Variants in CERT1 observed in about 807,000 individuals in gnomAD.
The protein encoded by CERT1 is ceramide transfer protein.
A neutral mutation model predicts 87.9 loss-of-function variants in CERT1; 31 were observed. That is an observed-to-expected ratio of 0.35 (90% CI 0.27 to 0.48). CERT1 has a LOEUF of 0.48. CERT1 is among the 20% of genes least tolerant of loss of function. The pLI, the probability that CERT1 is intolerant of heterozygous loss-of-function variation, is 0.99. For missense variants in CERT1, 487 were observed against 758.0 expected (o/e 0.64, Z 4.20); for synonymous variants, 289 against 250.9 (o/e 1.15, Z -1.44).
chr5:75,375,935 A>G (rs1411101980), downstream of CERT1: 1 of 152,108 alleles, frequency 6.6e-6, no homozygotes, highest in Non-Finnish European at 1.5e-5. Context: ...AAGAAGCTCA[A>G]TCTGGACTCA....
chr5:75,436,324 C>T (rs1178223120), intron 3 of CERT1, among the ~76,000 whole-genome samples: 2 of 152,160 alleles, frequency 1.3e-5, no homozygotes, highest in East Asian at 1.9e-4. Flanking sequence ...TGAGCCACTG[C>T]ACTCGGCCAC....
At chr5:75,462,288 A>G (rs1434861576) in intron 2 of CERT1, among the ~76,000 whole-genome samples, 1 of 152,254 alleles carries the variant, frequency 6.6e-6, no homozygotes, top group African/African-American at 2.4e-5. Flanking sequence ...GTTTCATGGA[A>G]GACAGTTTTT....
rs1761395147 is a variant in CERT1 at position 75,378,045 on chromosome 5, T to C, written c.*1301A>G. ...TCTCCCACCTCAGTCTCCCAAAAAG[T>C]GTTGGGATTACAGGTGTGACCCACT... On this transcript the variant is annotated 3_prime_UTR_variant, in exon 17 of 17. Transcript: ENST00000643780. 1 of 152,262 alleles carries C rather than the reference T, an allele frequency of 6.6e-6. No individual in the cohort carries two copies. The allele number at this position is 152,262 out of a possible 1,614,324, so 9.4% of individuals were successfully genotyped here. A position where few individuals can be genotyped will look rare whatever the true frequency, so the allele number is the denominator to read the frequency against.
chr5:75,469,022 G>A (rs2112346825), intron 2 of CERT1, among the ~76,000 whole-genome samples: 1 of 152,188 alleles, frequency 6.6e-6, no homozygotes, highest in East Asian at 1.9e-4. Context: ...GCTATTTTAA[G>A]GAAGCTCAAT....
Position 75,426,473 on chromosome 5 carries a change from T to C in CERT1, c.354A>G (p.Glu118=). Residue 118 remains glutamate (E), a synonymous_variant, in exon 4 of 17, where the codon GAA becomes GAG. Coordinates refer to ENST00000643780, the MANE Select transcript of CERT1 (RefSeq NM_001379029.1). ...WIDAIEQHKT[E]SGYGSESSLR... ...AGCTGGATTCAGATCCATATCCAGA[T>C]TCAGTCTAAAAAAAAAAGTAAACTA... The C allele has an allele frequency of 1.4e-5, 23 of 1,608,072 alleles. No individual in the cohort carries two copies. Among genetic ancestry groups the C allele is most frequent in the Non-Finnish European group, 2.0e-5 (23 of 1,176,306 alleles).
chr5:75,368,786 C>T (rs1760980891), intron 17 of CERT1: 1 of 152,156 alleles, frequency 6.6e-6, no homozygotes, highest in African/African-American at 2.4e-5. Context: ...TATGATGGGG[C>T]TACATACTGA....
intron 1 of CERT1, among the ~76,000 whole-genome samples, chr5:75,509,469 A>G (rs968611891): frequency 1.3e-5 from 2 of 152,168 alleles, no homozygotes; most frequent in African/African-American, 4.8e-5. Context: ...TTCATTCTAC[A>G]TATGCAGCAA....
intron 5 of CERT1, among the ~76,000 whole-genome samples, chr5:75,425,063 A>C (rs1230906595): frequency 1.3e-5 from 2 of 152,166 alleles, no homozygotes; most frequent in Non-Finnish European, 2.9e-5. Context: ...GGCTGCAGTG[A>C]GCTATGATCG....
chr5:75,413,812 T>C lies in CERT1; in HGVS notation c.838-2709A>G, dbSNP rs4704216. On this transcript the variant is annotated intron_variant, in intron 7 of 16. Transcript: ENST00000643780. ...TAAAAATAATTGGAATCCTCACCCATTGCTGGTAGAAATAATCACTTTGGA... is the reference window on the plus strand; with the variant it reads ...TAAAAATAATTGGAATCCTCACCCACTGCTGGTAGAAATAATCACTTTGGA... Among the ~76,000 whole-genome samples, 702 of 152,244 alleles carry C rather than the reference T, an allele frequency of 4.6e-3. 18 individuals are homozygous for C. Among genetic ancestry groups the C allele is most frequent in the Admixed American group, 0.036 (545 of 15,286 alleles).
intron 2 of CERT1, among the ~76,000 whole-genome samples, chr5:75,503,904 A>ATTAAACATTTAAATTTTT (rs1324645059): frequency 9.4e-3 from 274 of 29,106 alleles, no homozygotes; most frequent in East Asian, 0.011. Context: ...TTTAAATTAA[A>ATTAAACATTTAAATTTTT]TGTTTAATTT....
At chr5:75,470,618 A>G (rs537160643) in intron 2 of CERT1, among the ~76,000 whole-genome samples, 7 of 152,184 alleles carry the variant, frequency 4.6e-5, no homozygotes, top group African/African-American at 7.2e-5. Context: ...ATGTACCTCA[A>G]CACACTAAAG....
chr5:75,465,034 C>A (rs1006321373), intron 2 of CERT1, among the ~76,000 whole-genome samples: 5 of 152,160 alleles, frequency 3.3e-5, no homozygotes, highest in Non-Finnish European at 5.9e-5. Context: ...TCTGCCATGA[C>A]GGACATGGTT....
chr5:75,511,364 G>C lies in CERT1; in HGVS notation c.-157C>G, dbSNP rs1767984619. On this transcript the variant is annotated 5_prime_UTR_variant, in exon 1 of 17. Coordinates refer to ENST00000643780, the MANE Select transcript of CERT1 (RefSeq NM_001379029.1). ...GGAGGAGGGACGAAGTCCGCCCGCCGCGCCGCCGCCGCGCCTGACACCGAG... is the reference window on the plus strand; with the variant it reads ...GGAGGAGGGACGAAGTCCGCCCGCCCCGCCGCCGCCGCGCCTGACACCGAG... 6.5e-7 allele frequency: 1 copy of C among 1,546,352 alleles called. No homozygotes were observed. The highest frequency in any genetic ancestry group is 1.2e-5 in the South Asian group (1 of 83,928).
In CERT1 at chr5:75,403,076, G is replaced by A; in HGVS notation, c.931-18C>T. 6.5e-7 allele frequency: 1 copy of A among 1,536,358 alleles called. No homozygotes were observed. Among genetic ancestry groups the A allele is most frequent in the Non-Finnish European group, 8.9e-7 (1 of 1,117,890 alleles). ...GGGCCTTCCTATTCCAACACACAGT[G>A]GAGAAAAAAGCAGTTTATTTAAAGA... On this transcript the variant is annotated intron_variant, in intron 8 of 16. Coordinates refer to ENST00000643780, the MANE Select transcript of CERT1 (RefSeq NM_001379029.1).
Position 75,483,850 on chromosome 5 carries a change from G to GA in CERT1, c.231+22131dup, listed in dbSNP as rs930876567. Among the ~76,000 whole-genome samples the GA allele has an allele frequency of 1.9e-3, 264 of 141,834 alleles. 1 individual carries two copies. Among genetic ancestry groups the GA allele is most frequent in the African/African-American group, 4.6e-3 (179 of 38,982 alleles). The allele number at this position is 141,834 out of a possible 152,430, so 93.0% of individuals were successfully genotyped here. On this transcript the variant is annotated intron_variant, in intron 2 of 16. Coordinates refer to ENST00000643780, the MANE Select transcript of CERT1 (RefSeq NM_001379029.1). Reference sequence around the variant, plus strand: ...GCTAAAGGAAGTTCTTCAGTCTGGGGAAAAAAAAAAAGACATTAACGAGCA... The same window carrying GA: ...GCTAAAGGAAGTTCTTCAGTCTGGGGAAAAAAAAAAAAGACATTAACGAGCA...
intron 2 of CERT1, among the ~76,000 whole-genome samples, chr5:75,485,312 CAAAA>C (rs757349878): frequency 4.3e-5 from 2 of 46,438 alleles, no homozygotes; most frequent in Non-Finnish European, 7.5e-5. Context: ...CACAAAAATA[CAAAA>C]AAAAAAAAAA....
chr5:75,447,474 A>ATTTATTTATTTT (rs1201247557), intron 3 of CERT1, among the ~76,000 whole-genome samples: 4 of 148,920 alleles, frequency 2.7e-5, no homozygotes, highest in Non-Finnish European at 4.4e-5. Context: ...TTATTTATTT[A>ATTTATTTATTTT]TTTTTTATTT....
intron 2 of CERT1, among the ~76,000 whole-genome samples, chr5:75,475,598 T>A (rs1478544944): frequency 2.0e-5 from 3 of 152,166 alleles, no homozygotes; most frequent in Non-Finnish European, 2.9e-5. Context: ...ACATATCCTT[T>A]GAAAATTACA....
chr5:75,423,203 T>C (rs1457156073), intron 5 of CERT1, among the ~76,000 whole-genome samples: 1 of 152,232 alleles, frequency 6.6e-6, no homozygotes, highest in Admixed American at 6.5e-5. Flanking sequence ...TTTTCCACCA[T>C]CACTTTTGTC....
Sources: allele counts gnomAD v4.1 joint callset (sites outside exome capture counted in the v4.1 genomes callset), GRCh38; gene constraint gnomAD v4.1.1; transcripts MANE v1.5; gene names NCBI Gene and HGNC (gene_info 2026-07-23, HGNC 2026-07-21).